EPHA6: variants seen among roughly 807,000 people sequenced by gnomAD.
EPHA6 encodes the protein ephrin type-A receptor 6.
In EPHA6, 50 loss-of-function variants were observed where a neutral mutation model predicts 112.0. The ratio of observed to expected loss-of-function variants is 0.45; its 90% CI spans 0.36 to 0.56. EPHA6 has a LOEUF of 0.56. Among genes scored for constraint, EPHA6 ranks in the 20% least tolerant of loss-of-function variants. The pLI, the probability that EPHA6 is intolerant of heterozygous loss-of-function variation, is 0.00. For synonymous variants in EPHA6, 529 were observed against 490.7 expected (o/e 1.08, Z -1.03); for missense variants, 1,280 against 1,417.4 (o/e 0.90, Z 1.56).
chr3:96,844,865 A>G (rs1044441260), intron 1 of EPHA6, among the ~76,000 whole-genome samples: 9 of 151,970 alleles, frequency 5.9e-5, no homozygotes, highest in Non-Finnish European at 1.3e-4. Context: ...CCCAGCAGGC[A>G]TAATTGTATT....
intron 3 of EPHA6, among the ~76,000 whole-genome samples, chr3:97,217,506 G>GT (rs943177830): frequency 3.2e-4 from 49 of 152,196 alleles, no homozygotes; most frequent in Non-Finnish European, 4.3e-4. Context: ...TCAAATAGTA[G>GT]TTTTTTACAA....
In EPHA6 at chr3:96,954,773, C is replaced by CTTTTT. The variant is rs10612575; in HGVS notation, c.451-32530_451-32526dup. ...TAGTCTTAAATTTTTACTGGTGTGCCTTTTTTTTTTTTTTTTTTTTTTTTT... is the reference window on the plus strand; with the variant it reads ...TAGTCTTAAATTTTTACTGGTGTGCCTTTTTTTTTTTTTTTTTTTTTTTTTTTTTT... On this transcript the variant is annotated intron_variant, in intron 2 of 17. Transcript: ENST00000389672. Among the ~76,000 whole-genome samples, 75 of 72,688 alleles carry CTTTTT rather than the reference C, an allele frequency of 1.0e-3. 7 individuals are homozygous for CTTTTT. The highest frequency in any genetic ancestry group is 3.3e-3 in the African/African-American group (60 of 18,170). 47.7% of individuals were successfully genotyped at this position (72,688 alleles called of 152,430 possible). A position where few individuals can be genotyped will look rare whatever the true frequency, so the allele number is the denominator to read the frequency against.
At chr3:96,923,222 T>C (rs1274609034) in intron 2 of EPHA6, among the ~76,000 whole-genome samples, 1 of 152,194 alleles carries the variant, frequency 6.6e-6, no homozygotes, top group African/African-American at 2.4e-5. Context: ...CTACACTGTC[T>C]TCCACAATGG....
chr3:96,944,826 G>C (rs931023103), intron 2 of EPHA6, among the ~76,000 whole-genome samples: 1 of 152,184 alleles, frequency 6.6e-6, no homozygotes, highest in Admixed American at 6.5e-5. Flanking sequence ...TGTAGTCCCA[G>C]CTACTCAGGA....
intron 16 of EPHA6, 73 bp downstream of exon 16, chr3:97,736,191 A>G: frequency 7.9e-7 from 1 of 1,257,960 alleles, no homozygotes; most frequent in Non-Finnish European, 1.1e-6. Flanking sequence ...TAATAATAAC[A>G]GGTAGAAAGG....
intron 3 of EPHA6, among the ~76,000 whole-genome samples, chr3:97,025,849 A>G (rs1186660520): frequency 6.6e-6 from 1 of 152,028 alleles, no homozygotes; most frequent in Non-Finnish European, 1.5e-5. Context: ...CAGCCTCCCA[A>G]AGTGCTGGGA....
chr3:96,876,800 A>G (rs989505850), intron 2 of EPHA6, among the ~76,000 whole-genome samples: 5 of 151,954 alleles, frequency 3.3e-5, no homozygotes, highest in African/African-American at 9.7e-5. Flanking sequence ...CACTTTCTCT[A>G]TCTCACTTTT....
chr3:97,702,554 A>C (rs1365419378), intron 14 of EPHA6, among the ~76,000 whole-genome samples: 1 of 152,188 alleles, frequency 6.6e-6, no homozygotes, highest in African/African-American at 2.4e-5. Flanking sequence ...ACAGAGAGAA[A>C]CTTTTTCCCC....
chr3:97,218,850 A>G (rs9848981), intron 3 of EPHA6, among the ~76,000 whole-genome samples: 28,134 of 152,120 alleles, frequency 0.18, 6,300 homozygotes, highest in African/African-American at 0.52. Flanking sequence ...CAACCTATGC[A>G]CCTGTAAAAT....
chr3:97,607,322 C>G (rs1560185037), intron 12 of EPHA6, among the ~76,000 whole-genome samples: 1 of 150,942 alleles, frequency 6.6e-6, no homozygotes, highest in African/African-American at 2.4e-5. Context: ...TATAGTTTAT[C>G]CACATCACCT....
chr3:97,206,378 C>T (rs527388900), intron 3 of EPHA6, among the ~76,000 whole-genome samples: 2 of 152,064 alleles, frequency 1.3e-5, no homozygotes, highest in Admixed American at 6.6e-5. Context: ...TTCTTTAGGC[C>T]GCCTTATAAG....
In EPHA6 at chr3:97,378,398, C is replaced by T. The variant is rs1384958675; in HGVS notation, c.1607-26752C>T. Among the ~76,000 whole-genome samples, 5 of 152,158 alleles carry T rather than the reference C, an allele frequency of 3.3e-5. No individual in the cohort carries two copies. In the South Asian group the frequency reaches 6.2e-4, roughly 19 times the overall value. On this transcript the variant is annotated intron_variant, in intron 5 of 17. Transcript: ENST00000389672. ...ATGGAGAACCTCTACTAGGGCAGTG[C>T]GAAAGGGAAATGTGGGGTCGGAGCC...
intron 3 of EPHA6, among the ~76,000 whole-genome samples, chr3:97,197,235 G>C (rs2077464301): frequency 6.6e-6 from 1 of 151,984 alleles, no homozygotes; most frequent in Non-Finnish European, 1.5e-5. Context: ...TCCTCAAACA[G>C]AAAGAATCTC....
intron 6 of EPHA6, among the ~76,000 whole-genome samples, chr3:97,420,035 T>G (rs1398189138): frequency 6.6e-6 from 1 of 152,156 alleles, no homozygotes; most frequent in South Asian, 2.1e-4. Context: ...GGAAAAGCCT[T>G]CTGAAAAATG....
At chr3:96,929,283 A>G (rs574356950) in intron 2 of EPHA6, among the ~76,000 whole-genome samples, 1 of 152,306 alleles carries the variant, frequency 6.6e-6, no homozygotes, top group South Asian at 2.1e-4. Flanking sequence ...TCATGATGCT[A>G]GCTAGTTATT....
intron 2 of EPHA6, among the ~76,000 whole-genome samples, chr3:96,956,759 G>C (rs1356981480): frequency 1.3e-5 from 2 of 152,144 alleles, no homozygotes; most frequent in Non-Finnish European, 2.9e-5. Flanking sequence ...TGTAGGCTGG[G>C]TGCAGTGGTT....
chr3:96,937,059 A>G (rs1450300511), intron 2 of EPHA6, among the ~76,000 whole-genome samples: 1 of 152,122 alleles, frequency 6.6e-6, no homozygotes, highest in African/African-American at 2.4e-5. Flanking sequence ...GAATACTGCC[A>G]CAATAAACAT....
chr3:97,513,416 C>T (rs975080668), intron 10 of EPHA6, among the ~76,000 whole-genome samples: 6 of 152,126 alleles, frequency 3.9e-5, no homozygotes, highest in African/African-American at 1.2e-4. Flanking sequence ...ATTGAATCAA[C>T]CTAAGTGTCC....
At chr3:97,318,558 T>A (rs757907539) in intron 5 of EPHA6, among the ~76,000 whole-genome samples, 1 of 152,020 alleles carries the variant, frequency 6.6e-6, no homozygotes, top group Non-Finnish European at 1.5e-5. Flanking sequence ...ACCACTCTTT[T>A]GCTAATTTAA....
Sources: allele counts gnomAD v4.1 joint callset (sites outside exome capture counted in the v4.1 genomes callset), GRCh38; gene constraint gnomAD v4.1.1; transcripts MANE v1.5; gene names NCBI Gene and HGNC (gene_info 2026-07-23, HGNC 2026-07-21).